The following NAB1 variants were observed in gnomAD, a reference collection of about 807,000 sequenced individuals.
The protein encoded by NAB1 is NGFI-A-binding protein 1.
NAB1 carries 25 observed loss-of-function variants against 49.9 expected under a neutral mutation model. The ratio of observed to expected loss-of-function variants is 0.50; its 90% CI spans 0.37 to 0.70. The LOEUF (loss-of-function observed/expected upper bound fraction) is 0.70, where lower values mean the gene tolerates loss of function less well. Ranked by LOEUF, NAB1 falls within the 30% of genes least tolerant of loss-of-function variation. The pLI is 0.00. For synonymous variants in NAB1, 198 were observed against 215.6 expected (o/e 0.92, Z 0.71); for missense variants, 489 against 575.9 (o/e 0.85, Z 1.54).
Position 190,686,815 on chromosome 2 carries a change from G to A in NAB1, c.1259-386G>A, listed in dbSNP as rs1033631087. On this transcript the variant is annotated intron_variant, in intron 8 of 9. Transcript: ENST00000337386. The surrounding 1 kb of genome is among the most constrained non-coding windows in gnomAD (Gnocchi z 5.5). ...GTTTTTTTTTTTTAATCTTTAATTG[G>A]CTTGAAGCCTTCTGTGTCTTTCTAG... Among the ~76,000 whole-genome samples, 15 of 151,332 alleles carry A rather than the reference G, an allele frequency of 9.9e-5. No individual in the cohort carries two copies. The South Asian group carries it at 1.3e-3, about 13-fold the overall frequency.
rs988785926 is a variant in NAB1 at position 190,657,977 on chromosome 2, G to A, written c.-19-1181G>A. 2.0e-5 allele frequency among the ~76,000 whole-genome samples: 3 copies of A among 152,168 alleles called. No homozygotes were observed. Among genetic ancestry groups the A allele is most frequent in the African/African-American group, 7.2e-5 (3 of 41,438 alleles). On this transcript the variant is annotated intron_variant, in intron 3 of 9. Transcript: ENST00000337386. The surrounding 1 kb of genome is among the most constrained non-coding windows in gnomAD (Gnocchi z 4.4). ...CTAAGGGTGCATTTGATTACAACAA[G>A]TTTATTTGTTTCTCTTAAATGGAAG...
chr2:190,686,317 TTA>T lies in NAB1; in HGVS notation c.1258+685_1258+686del. 6.6e-6 allele frequency among the ~76,000 whole-genome samples: 1 copy of T among 152,148 alleles called. No homozygotes were observed. Among genetic ancestry groups the T allele is most frequent in the African/African-American group, 2.4e-5 (1 of 41,438 alleles). The stretch of plus-strand genomic sequence containing the variant: ...CATGTAGTGGAGGGAGATGTACAGG[TTA>T]TATATCCTCTAGTTTCAAATAGTAA... On this transcript the variant is annotated intron_variant, in intron 8 of 9. Transcript: ENST00000337386. The surrounding 1 kb of genome is among the most constrained non-coding windows in gnomAD (Gnocchi z 5.5).
rs1328294483 is a variant in NAB1, at chr2:190,684,375, A to G, written c.1095+548A>G. On this transcript the variant is annotated intron_variant, in intron 7 of 9. Coordinates refer to ENST00000337386, the MANE Select transcript of NAB1 (RefSeq NM_005966.4). The surrounding 1 kb of genome is among the most constrained non-coding windows in gnomAD (Gnocchi z 4.6). Reference sequence around the variant, plus strand: ...CTTTTAGAAAGCACTGTAAACTTTTATTCCTATTGAACAGCTTCTTTGTAA... The same window carrying G: ...CTTTTAGAAAGCACTGTAAACTTTTGTTCCTATTGAACAGCTTCTTTGTAA... Among the ~76,000 whole-genome samples the G allele has an allele frequency of 6.6e-6, 1 of 152,194 alleles. No homozygotes were observed.
rs1489952866 is a variant in NAB1 at position 190,659,682 on chromosome 2, G to A, written c.506G>A (p.Ser169Asn). 3 of 1,613,690 alleles carry A rather than the reference G, an allele frequency of 1.9e-6. No homozygotes were observed. Among genetic ancestry groups the A allele is most frequent in the African/African-American group, 1.3e-5 (1 of 74,926 alleles). ...RLWQGHHATESEHSLSPADLG... is the reference protein window; with the variant it reads ...RLWQGHHATENEHSLSPADLG... ...TGGCAAGGCCACCATGCCACTGAGA[G>A]CGAGCACAGCCTCTCCCCAGCAGAC... The change falls in exon 4 of 10, where the codon AGC becomes AAC. Residue 169 changes from serine to asparagine, a missense_variant. By Grantham distance (46) the Ser-to-Asn change is conservative. Around this residue, in one of 4 missense-constraint regions of NAB1, gnomAD observed 204 missense variants for 220.9 expected, o/e 0.92. Transcript: ENST00000337386. This position sits in a 1 kb window ranked among gnomAD's most constrained non-coding sequence, Gnocchi z 6.2.
intron 3 of NAB1, among the ~76,000 whole-genome samples, chr2:190,658,186 C>T (rs1243251779): frequency 6.6e-6 from 1 of 152,218 alleles, no homozygotes; most frequent in Non-Finnish European, 1.5e-5. Flanking sequence ...AGGCTTTCTG[C>T]TGCTGCTTTG....
Position 190,670,565 on chromosome 2 carries a change from T to C in NAB1, c.953+106T>C. On this transcript the variant is annotated intron_variant, in intron 5 of 9. Coordinates refer to ENST00000337386, the MANE Select transcript of NAB1 (RefSeq NM_005966.4). This position sits in a 1 kb window ranked among gnomAD's most constrained non-coding sequence, Gnocchi z 5.3. ...AAGCATTTCTGAAAAAGTGGAAGTA[T>C]GATTATTGTTCTATGAAACTAAACA... 1 of 1,249,510 alleles carries C rather than the reference T, an allele frequency of 8.0e-7. No homozygotes were observed. 77.4% of individuals were successfully genotyped at this position (1,249,510 alleles called of 1,614,324 possible).
chr2:190,658,234 C>G (rs1038422147), intron 3 of NAB1, among the ~76,000 whole-genome samples: 5 of 152,168 alleles, frequency 3.3e-5, no homozygotes, highest in Non-Finnish European at 7.3e-5. Context: ...TCCTACAGCC[C>G]TCTCCCTGAT....
chr2:190,685,637 A>C lies in NAB1; in HGVS notation c.1257A>C (p.Gln419His). ...TGACTTCCGATAACTCAGATGGACA[A>C]GGTACATCTTTAGAATATCCTATGC... ...NGLTSDNSDGQGERPLNLRMP... is the reference protein window; with the variant it reads ...NGLTSDNSDGHGERPLNLRMP... The change falls in exon 8 of 10, where the codon CAA (glutamine) becomes CAC (histidine). Residue 419 changes from glutamine (Q) to histidine (H), a missense_variant and splice_region_variant. By Grantham distance (24) the Gln-to-His change is conservative (BLOSUM62 0). Coordinates refer to ENST00000337386, the MANE Select transcript of NAB1 (RefSeq NM_005966.4). The surrounding 1 kb of genome is among the most constrained non-coding windows in gnomAD (Gnocchi z 4.5). 1 of 1,602,308 alleles carries C rather than the reference A, an allele frequency of 6.2e-7. No homozygotes were observed. Among genetic ancestry groups the C allele is most frequent in the Non-Finnish European group, 8.5e-7 (1 of 1,174,812 alleles).
chr2:190,681,934 A>G (rs1695368836), intron 6 of NAB1, among the ~76,000 whole-genome samples: 1 of 152,202 alleles, frequency 6.6e-6, no homozygotes, highest in Non-Finnish European at 1.5e-5. Flanking sequence ...TGCTGCAAAT[A>G]TATAGCTTAT....
chr2:190,663,651 C>T lies in NAB1; in HGVS notation c.819+3656C>T, dbSNP rs979376059. 5.3e-5 allele frequency among the ~76,000 whole-genome samples: 8 copies of T among 152,130 alleles called. No homozygotes were observed. The highest frequency in any genetic ancestry group is 1.4e-4 in the African/African-American group (6 of 41,416). On this transcript the variant is annotated intron_variant, in intron 4 of 9. Transcript: ENST00000337386. This position sits in a 1 kb window ranked among gnomAD's most constrained non-coding sequence, Gnocchi z 4.2. ...TTGCTATTCTTGCTTGTGCTGTACA[C>T]GTGTATATATTTGTCTCCTCTCTTA...
At chr2:190,672,429 T>C (rs1221670893) in intron 5 of NAB1, among the ~76,000 whole-genome samples, 5 of 152,202 alleles carry the variant, frequency 3.3e-5, no homozygotes, top group Non-Finnish European at 7.4e-5. Flanking sequence ...TGTCTTACCA[T>C]TGATGGAGCA....
At position 190,686,790 on chromosome 2, in the gene NAB1, G is replaced by GTT. The variant is rs749660109; in HGVS notation, c.1259-400_1259-399dup. Among the ~76,000 whole-genome samples, 1 of 145,026 alleles carries GTT rather than the reference G, an allele frequency of 6.9e-6. No homozygotes were observed. ...CTGTTTTTTCACGGATTTTGCTGTAGTTTTTTTTTTTTAATCTTTAATTGG... is the reference window on the plus strand; with the variant it reads ...CTGTTTTTTCACGGATTTTGCTGTAGTTTTTTTTTTTTTTAATCTTTAATTGG... On this transcript the variant is annotated intron_variant, in intron 8 of 9. Transcript: ENST00000337386. This position sits in a 1 kb window ranked among gnomAD's most constrained non-coding sequence, Gnocchi z 5.5.
At position 190,678,395 on chromosome 2, in the gene NAB1, G is replaced by A. The variant is rs1695174238; in HGVS notation, c.1005+5243G>A. ...GTTATAAGTAACATCTTAGAAGGGA[G>A]GAAGGATATATAAAGCTACAGTCTC... On this transcript the variant is annotated intron_variant, in intron 6 of 9. Coordinates refer to ENST00000337386, the MANE Select transcript of NAB1 (RefSeq NM_005966.4). The surrounding 1 kb of genome is among the most constrained non-coding windows in gnomAD (Gnocchi z 4.9). 6.6e-6 allele frequency among the ~76,000 whole-genome samples: 1 copy of A among 152,184 alleles called. No individual in the cohort carries two copies. Among genetic ancestry groups the A allele is most frequent in the Non-Finnish European group, 1.5e-5 (1 of 68,026 alleles).
rs973674977 is a variant in NAB1 at position 190,667,736 on chromosome 2, T to C, written c.820-2590T>C. Among the ~76,000 whole-genome samples the C allele has an allele frequency of 1.1e-4, 16 of 152,160 alleles. No individual in the cohort carries two copies. The highest frequency in any genetic ancestry group is 3.6e-4 in the African/African-American group (15 of 41,430). ...AATTTGGGGAGGAGGATGTTAAATA[T>C]CTATATCATACCATGTACCATAACA... On this transcript the variant is annotated intron_variant, in intron 4 of 9. Coordinates refer to ENST00000337386, the MANE Select transcript of NAB1 (RefSeq NM_005966.4). The surrounding 1 kb of genome is among the most constrained non-coding windows in gnomAD (Gnocchi z 4.4).
In NAB1 at chr2:190,659,736, GC is replaced by G. The variant is rs761387575; in HGVS notation, c.561del (p.Ser187ArgfsTer29). 1 of 1,614,038 alleles carries G rather than the reference GC, an allele frequency of 6.2e-7. No homozygotes were observed. Among genetic ancestry groups the G allele is most frequent in the Non-Finnish European group, 8.5e-7 (1 of 1,179,956 alleles). On this transcript the variant is annotated frameshift_variant, in exon 4 of 10. Coordinates refer to ENST00000337386, the MANE Select transcript of NAB1 (RefSeq NM_005966.4). LOFTEE classifies it high-confidence loss of function. This position sits in a 1 kb window ranked among gnomAD's most constrained non-coding sequence, Gnocchi z 6.2. The stretch of plus-strand genomic sequence containing the variant: ...GGCTCCCCCGCGTCCCCAAAGGAGA[GC>G]AGTGAGGCGCTGGATGCTGCTGCTG... ...DLGSPASPKE[S>X]SEALDAAAAL...
chr2:190,656,511 GTTAC>G (rs1187981551), intron 3 of NAB1, among the ~76,000 whole-genome samples: 1 of 152,136 alleles, frequency 6.6e-6, no homozygotes, highest in Non-Finnish European at 1.5e-5. Context: ...GACCGAATTG[GTTAC>G]TTAGTTATGT....
chr2:190,676,477 C>T lies in NAB1; in HGVS notation c.1005+3325C>T, dbSNP rs888978163. Among the ~76,000 whole-genome samples the T allele has an allele frequency of 2.0e-5, 3 of 151,974 alleles. No individual in the cohort carries two copies. The highest frequency in any genetic ancestry group is 4.4e-5 in the Non-Finnish European group (3 of 67,984). On this transcript the variant is annotated intron_variant, in intron 6 of 9. Coordinates refer to ENST00000337386, the MANE Select transcript of NAB1 (RefSeq NM_005966.4). This position sits in a 1 kb window ranked among gnomAD's most constrained non-coding sequence, Gnocchi z 4.6. Reference sequence around the variant, plus strand: ...AGCATGGTGGCTTATGACTGTAATCCCAGCACTTTGTGAGGCTGAGGCAGA... The same window carrying T: ...AGCATGGTGGCTTATGACTGTAATCTCAGCACTTTGTGAGGCTGAGGCAGA...
intron 4 of NAB1, among the ~76,000 whole-genome samples, chr2:190,664,088 T>C (rs189878272): frequency 1.4e-3 from 211 of 152,336 alleles, no homozygotes; most frequent in African/African-American, 4.7e-3. Flanking sequence ...GTGTTCTATA[T>C]GTGTCTGTTC....
In NAB1 at chr2:190,673,268, G is replaced by C; in HGVS notation, c.1005+116G>C. The stretch of plus-strand genomic sequence containing the variant: ...TGGTCCCATAAACTAGTGAAAAATG[G>C]CTTTCAATAAATCTTTTAAAAATAT... On this transcript the variant is annotated intron_variant, in intron 6 of 9. Coordinates refer to ENST00000337386, the MANE Select transcript of NAB1 (RefSeq NM_005966.4). 6 of 896,582 alleles carry C rather than the reference G, an allele frequency of 6.7e-6. No individual in the cohort carries two copies. The Admixed American group carries it at 9.6e-5, about 14-fold the overall frequency. The allele number at this position is 896,582 out of a possible 1,614,324, so 55.5% of individuals were successfully genotyped here. A position where few individuals can be genotyped will look rare whatever the true frequency, so the allele number is the denominator to read the frequency against.
Sources: gnomAD v4.1 joint callset for allele counts (sites outside exome capture counted in the v4.1 genomes callset) on GRCh38, gnomAD v4.1.1 for gene constraint, gnomAD v4.1.1 regional missense constraint, Gnocchi (gnomAD v3.1) non-coding constraint, MANE v1.5 for transcripts, NCBI Gene and HGNC (gene_info 2026-07-23, HGNC 2026-07-21) for gene names.